The following GRHL3 variants were observed in gnomAD, a reference collection of about 807,000 sequenced individuals.
GRHL3 encodes the protein grainyhead-like protein 3 homolog.
GRHL3 carries 20 observed loss-of-function variants against 70.3 expected under a neutral mutation model. The observed-to-expected ratio is 0.28, with a 90% CI of 0.20 to 0.41. The LOEUF is 0.41. GRHL3 is among the 10% of genes least tolerant of loss of function. The pLI, the probability that GRHL3 is intolerant of heterozygous loss-of-function variation, is 1.00. For synonymous variants in GRHL3, 299 were observed against 299.9 expected, an observed-to-expected ratio of 1.00 and a Z score of 0.03; for missense variants, 637 against 762.3, an observed-to-expected ratio of 0.84 and a Z score of 1.94.
intron 11 of GRHL3, 30 bp downstream of exon 11, chr1:24,343,055 A>T (rs1640112504): frequency 6.2e-7 from 1 of 1,613,462 alleles, no homozygotes; most frequent in African/African-American, 1.3e-5. Context: ...CTCGGGAAGG[A>T]GCCGAGAGAG....
chr1:24,350,190 G>T, intron 15 of GRHL3, 68 bp downstream of exon 15: 1 of 1,356,310 alleles, frequency 7.4e-7, no homozygotes, highest in South Asian at 1.2e-5. Flanking sequence ...CTTGGCCTTT[G>T]TGGAGGGGCT....
chr1:24,360,458 GT>G (rs1175288830), intron 15 of GRHL3, among the ~76,000 whole-genome samples: 1 of 152,008 alleles, frequency 6.6e-6, no homozygotes, highest in African/African-American at 2.4e-5. Flanking sequence ...AAAAATAAAA[GT>G]AAAAAAAATT....
intron 1 of GRHL3, among the ~76,000 whole-genome samples, chr1:24,331,009 G>A (rs1352926689): frequency 6.6e-6 from 1 of 152,214 alleles, no homozygotes; most frequent in Non-Finnish European, 1.5e-5. Context: ...CAGTCTTGAG[G>A]ACAACTTCTT....
chr1:24,345,529 G>A (rs151190580), intron 12 of GRHL3, among the ~76,000 whole-genome samples: 1,748 of 151,666 alleles, frequency 0.012, 17 homozygotes, highest in Non-Finnish European at 0.016. Context: ...AATCTCTGGC[G>A]AGACACCCGC....
Position 24,342,176 on chromosome 1 carries a change from T to G in GRHL3, c.1109T>G (p.Val370Gly). ...DFSSQKGVKG[V>G]PLNLQIDTYD... is the part of the protein sequence containing the mutation. ...TCCTCACAAAAGGGGGTGAAGGGTG[T>G]CCCCCTGAACCTGCAGATTGACACC... The change falls in exon 9 of 16, where the codon GTC becomes GGC. Residue 370 changes from valine (V) to glycine (G), a missense_variant. Val to Gly is a moderately radical substitution (Grantham distance 109). Coordinates refer to ENST00000361548, the MANE Select transcript of GRHL3 (RefSeq NM_198173.3). This position sits in a 1 kb window ranked among gnomAD's most constrained non-coding sequence, Gnocchi z 4.8. 1 of 1,612,674 alleles carries G rather than the reference T, an allele frequency of 6.2e-7. No homozygotes were observed. The highest frequency in any genetic ancestry group is 1.3e-5 in the African/African-American group (1 of 74,976).
chr1:24,350,808 C>A (rs529043960), intron 15 of GRHL3, among the ~76,000 whole-genome samples: 19 of 152,358 alleles, frequency 1.2e-4, no homozygotes, highest in African/African-American at 4.6e-4. Flanking sequence ...CTGTACCCTC[C>A]AGGGGGCAGG....
chr1:24,343,122 C>T (rs1640114989), intron 11 of GRHL3, 97 bp downstream of exon 11: 13 of 1,438,136 alleles, frequency 9.0e-6, no homozygotes, highest in Non-Finnish European at 1.3e-5. Flanking sequence ...AGCAGCCTGC[C>T]CCTCAGCCAG....
Position 24,319,425 on chromosome 1 carries a change from C to G in GRHL3, c.-127C>G, listed in dbSNP as rs1310160732. ...CTGGGAACCTACCTGTCAGCAAAAT[C>G]TCGACACCCAAACCTCAACATAAAT... is the stretch of plus-strand genomic sequence containing the variant. On this transcript the variant is annotated 5_prime_UTR_variant, in exon 1 of 16. In the 5' UTR this introduces an upstream ATG that the reference lacks. Transcript: ENST00000361548. 2 of 1,062,232 alleles carry G rather than the reference C, an allele frequency of 1.9e-6. No homozygotes were observed. Among genetic ancestry groups the G allele is most frequent in the Non-Finnish European group, 2.9e-6 (2 of 684,672 alleles). The allele number at this position is 1,062,232 out of a possible 1,614,324, so 65.8% of individuals were successfully genotyped here.
intron 12 of GRHL3, among the ~76,000 whole-genome samples, chr1:24,345,756 T>G (rs1404142534): frequency 2.0e-5 from 3 of 152,292 alleles, no homozygotes; most frequent in African/African-American, 7.2e-5. Flanking sequence ...CCCTGAGCAG[T>G]CCCTTCACCT....
Position 24,336,490 on chromosome 1 carries a change from A to G in GRHL3, c.275A>G (p.His92Arg), listed in dbSNP as rs1288520206. Residue 92 changes from histidine (H) to arginine (R), a missense_variant, in exon 4 of 16, where the codon CAT becomes CGT. Around this residue, in one of 2 missense-constraint regions of GRHL3, gnomAD observed 250 missense variants for 248.6 expected, o/e 1.01. Transcript: ENST00000361548. ...CTTTTCTTTCTCCCCAGGTACTACC[A>G]TGGCATGGAATATGAGACGGACCTC... ...GRNDQGKRYYHGMEYETDLTP... is the reference protein window; with the variant it reads ...GRNDQGKRYYRGMEYETDLTP... 5.7e-6 allele frequency: 9 copies of G among 1,574,998 alleles called. No homozygotes were observed. The East Asian group carries it at 1.1e-4, about 20-fold the overall frequency.
In GRHL3 at chr1:24,339,719, A is replaced by G; in HGVS notation, c.1004A>G (p.Tyr335Cys). The G allele has an allele frequency of 1.2e-6, 2 of 1,613,600 alleles. No homozygotes were observed. Among genetic ancestry groups the G allele is most frequent in the Non-Finnish European group, 1.7e-6 (2 of 1,179,562 alleles). ...NTVEHIEEVAYNALSFVWNVN... is the reference protein window; with the variant it reads ...NTVEHIEEVACNALSFVWNVN... ...GTGGAGCACATTGAGGAGGTGGCCT[A>G]TAATGCACTGTCCTTTGTGTGGAAC... The change falls in exon 8 of 16, where the codon TAT becomes TGT. Residue 335 changes from tyrosine to cysteine, a missense_variant. By Grantham distance (194) the Tyr-to-Cys change is radical (BLOSUM62 -2). Transcript: ENST00000361548.
At chr1:24,333,264 AG>A (rs1304415498) in intron 2 of GRHL3, among the ~76,000 whole-genome samples, 1 of 152,194 alleles carries the variant, frequency 6.6e-6, no homozygotes, top group African/African-American at 2.4e-5. Context: ...ATGGTGTGGA[AG>A]GAGCACCAAG....
chr1:24,347,628 T>C, intron 14 of GRHL3, 75 bp downstream of exon 14: 1 of 1,194,882 alleles, frequency 8.4e-7, no homozygotes, highest in Non-Finnish European at 1.2e-6. Flanking sequence ...ACCACGCAGT[T>C]CTGATTTCCC....
chr1:24,336,700 G>A lies in GRHL3; in HGVS notation c.485G>A (p.Ser162Asn). 1 of 1,614,182 alleles carries A rather than the reference G, an allele frequency of 6.2e-7. No individual in the cohort carries two copies. Among genetic ancestry groups the A allele is most frequent in the Middle Eastern group, 1.7e-4 (1 of 6,060 alleles). ...AAGCTGGAGGCCGGCTCTGTGGACAGCTACCTGTTACCCACCACTGATATG... is the reference window on the plus strand; with the variant it reads ...AAGCTGGAGGCCGGCTCTGTGGACAACTACCTGTTACCCACCACTGATATG... ...PSKLEAGSVD[S>N]YLLPTTDMYD... is the part of the protein sequence containing the mutation. The change falls in exon 4 of 16, where the codon AGC becomes AAC. Residue 162 changes from serine to asparagine, a missense_variant. Around this residue, in one of 2 missense-constraint regions of GRHL3, gnomAD observed 250 missense variants for 248.6 expected, o/e 1.01. Coordinates refer to ENST00000361548, the MANE Select transcript of GRHL3 (RefSeq NM_198173.3).
chr1:24,354,532 C>A lies in GRHL3; in HGVS notation c.*44C>A. On this transcript the variant is annotated 3_prime_UTR_variant, in exon 16 of 16. Transcript: ENST00000361548. Reference sequence around the variant, plus strand: ...ACCCTCACGACCTGCAAGGGGCCAGCAGGGACGTGGCCCCACGCCACACAC... The same window carrying A: ...ACCCTCACGACCTGCAAGGGGCCAGAAGGGACGTGGCCCCACGCCACACAC... 7.9e-7 allele frequency: 1 copy of A among 1,262,920 alleles called. No individual in the cohort carries two copies. The highest frequency in any genetic ancestry group is 1.2e-6 in the Non-Finnish European group (1 of 860,914). 78.2% of individuals were successfully genotyped at this position (1,262,920 alleles called of 1,614,324 possible).
At chr1:24,339,948 C>T (rs1331566306) in intron 8 of GRHL3, among the ~76,000 whole-genome samples, 186 bp downstream of exon 8, 1 of 152,222 alleles carries the variant, frequency 6.6e-6, no homozygotes, top group Non-Finnish European at 1.5e-5. Flanking sequence ...CCGCATCCCA[C>T]CCTTCCACCT....
chr1:24,337,278 T>A (rs1416831296), intron 5 of GRHL3, 127 bp downstream of exon 5: 2 of 666,920 alleles, frequency 3.0e-6, no homozygotes, highest in Non-Finnish European at 5.2e-6. Flanking sequence ...TGAAGGCAGA[T>A]AGATAGAGGG....
chr1:24,325,516 T>C (rs1569855601), intron 1 of GRHL3, among the ~76,000 whole-genome samples: 1 of 152,200 alleles, frequency 6.6e-6, no homozygotes, highest in Non-Finnish European at 1.5e-5. Flanking sequence ...CTTGGTCTTA[T>C]TGGGGGTTTT....
chr1:24,358,424 G>A, downstream of GRHL3: 1 of 864,612 alleles, frequency 1.2e-6, no homozygotes, highest in Non-Finnish European at 2.0e-6. Context: ...GAGTGGTAGA[G>A]CCACCCCCCA....
Sources: allele counts gnomAD v4.1 joint callset (sites outside exome capture counted in the v4.1 genomes callset), GRCh38; gene constraint gnomAD v4.1.1; regional missense constraint gnomAD v4.1.1; non-coding constraint Gnocchi (gnomAD v3.1); transcripts MANE v1.5; gene names NCBI Gene and HGNC (gene_info 2026-07-23, HGNC 2026-07-21).